JRK: variants seen among roughly 807,000 people sequenced by gnomAD.
JRK encodes the protein Jrk helix-turn-helix protein, also known as jerky protein homolog.
For missense variants in JRK, 720 were observed against 509.2 expected (o/e 1.41, Z -3.98); for synonymous variants, 303 against 218.1 (o/e 1.39, Z -3.43).
chr8:142,651,844 C>CTCAGGTAAGTAACTGATGGA, the JRK span, among the ~76,000 whole-genome samples: 1 of 152,242 alleles, frequency 6.6e-6, no homozygotes, highest in South Asian at 2.1e-4. Context: ...AGGGATGGAT[C>CTCAGGTAAGTAACTGATGGA]TCAGGCTGAA....
At chr8:142,654,665 C>T (rs1846717348), downstream of JRK, among the ~76,000 whole-genome samples, 1 of 151,812 alleles carries the variant, frequency 6.6e-6, no homozygotes, top group South Asian at 2.1e-4. Context: ...TGGAGTCCTC[C>T]CCACCCCAGA....
At position 142,666,189 on chromosome 8, in the gene JRK, T is replaced by C. The variant is rs1411524552; in HGVS notation, c.-131A>G. On this transcript the variant is annotated 5_prime_UTR_variant, in exon 2 of 2. Transcript: ENST00000612905. ...TCTCCACTCTGCCTGCCTGCTCTGC[T>C]GATCCTGAGCACAGGCCCCAGTCCC... The C allele has an allele frequency of 2.7e-6, 4 of 1,481,676 alleles. No homozygotes were observed. In the African/African-American group the frequency reaches 5.6e-5, roughly 21 times the overall value. 91.8% of individuals were successfully genotyped at this position (1,481,676 alleles called of 1,614,324 possible).
chr8:142,668,199 G>A (rs1847192956), intron 1 of JRK, among the ~76,000 whole-genome samples: 1 of 152,220 alleles, frequency 6.6e-6, no homozygotes, highest in Admixed American at 6.5e-5. Flanking sequence ...AGAGCGTGTG[G>A]CCAAAGGCCT....
At position 142,662,940 on chromosome 8, in the gene JRK, G is replaced by C. The variant is rs150610637; in HGVS notation, c.*1412C>G. On this transcript the variant is annotated 3_prime_UTR_variant, in exon 2 of 2. Transcript: ENST00000612905. ...TTTAGAAGGATGAGGAAGGAGGATC[G>C]CTTGAGGCCAAGAGTTCAAGACCAG... The C allele has an allele frequency of 1.5e-5, 13 of 849,162 alleles. No individual in the cohort carries two copies. The highest frequency in any genetic ancestry group is 1.8e-5 in the Non-Finnish European group (13 of 705,744). 52.6% of individuals were successfully genotyped at this position (849,162 alleles called of 1,614,324 possible). A position where few individuals can be genotyped will look rare whatever the true frequency, so the allele number is the denominator to read the frequency against.
downstream of JRK, among the ~76,000 whole-genome samples, chr8:142,653,537 CTATT>C (rs1302711336): frequency 6.6e-6 from 1 of 151,892 alleles, no homozygotes; most frequent in African/African-American, 2.4e-5. Flanking sequence ...CCACTCCTGG[CTATT>C]TTTTTTTTAA....
In JRK at chr8:142,664,895, C is replaced by T. The variant is rs782350354; in HGVS notation, c.1164G>A (p.Ser388=). The change falls in exon 2 of 2, where the codon TCG becomes TCA. Residue 388 remains serine, a synonymous_variant. Coordinates refer to ENST00000612905, the MANE Select transcript of JRK (RefSeq NM_003724.4). ...AGGAGGAGCCTTCGGCAAACGCAAC[C>T]GACGGCCACAGCTTCCTCCAGGCCC... ...FRRAWRKLWP[S]VAFAEGSSSE... is the part of the protein sequence containing the mutation. The T allele has an allele frequency of 1.0e-5, 12 of 1,197,630 alleles. No homozygotes were observed. Among genetic ancestry groups the T allele is most frequent in the South Asian group, 6.1e-5 (5 of 81,750 alleles). The allele number at this position is 1,197,630 out of a possible 1,614,324, so 74.2% of individuals were successfully genotyped here.
downstream of JRK, among the ~76,000 whole-genome samples, chr8:142,652,809 G>A (rs1554633310): frequency 6.6e-6 from 1 of 152,212 alleles, no homozygotes; most frequent in African/African-American, 2.4e-5. Flanking sequence ...CTGGAGAAGT[G>A]GAAGCTGCAG....
At position 142,666,015 on chromosome 8, in the gene JRK, C is replaced by A; in HGVS notation, c.44G>T (p.Arg15Leu). ...PAAGKSRGEK[R>L]KRVVLTLKEK... ...CTTCAGTGTCAGCACCACCCTCTTCCGCTTCTCCCCTCTGCTCTTCCCGGC... is the reference window on the plus strand; with the variant it reads ...CTTCAGTGTCAGCACCACCCTCTTCAGCTTCTCCCCTCTGCTCTTCCCGGC... Residue 15 changes from arginine to leucine, a missense_variant, in exon 2 of 2, where the codon CGG (arginine) becomes CTG (leucine). Coordinates refer to ENST00000612905, the MANE Select transcript of JRK (RefSeq NM_003724.4). The A allele has an allele frequency of 6.7e-7, 1 of 1,489,032 alleles. No homozygotes were observed. Among genetic ancestry groups the A allele is most frequent in the Non-Finnish European group, 9.4e-7 (1 of 1,066,746 alleles). The allele number at this position is 1,489,032 out of a possible 1,614,324, so 92.2% of individuals were successfully genotyped here. A position where few individuals can be genotyped will look rare whatever the true frequency, so the allele number is the denominator to read the frequency against.
In JRK at chr8:142,663,405, C is replaced by T. The variant is rs782753078; in HGVS notation, c.*947G>A. 1.0e-5 allele frequency: 10 copies of T among 985,342 alleles called. No homozygotes were observed. Among genetic ancestry groups the T allele is most frequent in the Middle Eastern group, 5.2e-4 (1 of 1,936 alleles). The allele number at this position is 985,342 out of a possible 1,614,324, so 61.0% of individuals were successfully genotyped here. A position where few individuals can be genotyped will look rare whatever the true frequency, so the allele number is the denominator to read the frequency against. ...GTGCTAACAGCTGGGGATAAGAGCA[C>T]ACATACTGCTAGAAATCTAAGCAGC... On this transcript the variant is annotated 3_prime_UTR_variant, in exon 2 of 2. Coordinates refer to ENST00000612905, the MANE Select transcript of JRK (RefSeq NM_003724.4).
At position 142,663,665 on chromosome 8, in the gene JRK, C is replaced by T. The variant is rs1846988160; in HGVS notation, c.*687G>A. ...CCAGAAAGGAACTCTACCAAGTCAA[C>T]TCTCCGTGGGGCCCCCCAACATCTT... On this transcript the variant is annotated 3_prime_UTR_variant, in exon 2 of 2. Transcript: ENST00000612905. 7 of 985,380 alleles carry T rather than the reference C, an allele frequency of 7.1e-6. No individual in the cohort carries two copies. Among genetic ancestry groups the T allele is most frequent in the Non-Finnish European group, 8.4e-6 (7 of 829,976 alleles). The allele number at this position is 985,380 out of a possible 1,614,324, so 61.0% of individuals were successfully genotyped here. A position where few individuals can be genotyped will look rare whatever the true frequency, so the allele number is the denominator to read the frequency against.
downstream of JRK, among the ~76,000 whole-genome samples, chr8:142,655,283 A>G (rs1334179399): frequency 1.3e-5 from 2 of 152,180 alleles, no homozygotes. Context: ...GGGCCCCTGA[A>G]GAGCTGACAC....
downstream of JRK, among the ~76,000 whole-genome samples, chr8:142,654,671 CCA>C (rs587695783): frequency 9.1e-4 from 139 of 152,116 alleles, 2 homozygotes; most frequent in Middle Eastern, 6.8e-3. Flanking sequence ...CCTCCCCACC[CCA>C]GAGTCAGGCA....
chr8:142,665,478 C>T lies in JRK; in HGVS notation c.581G>A (p.Arg194Gln), dbSNP rs587720978. The change falls in exon 2 of 2, where the codon CGG (arginine) becomes CAG (glutamine). Residue 194 changes from arginine to glutamine, a missense_variant. Coordinates refer to ENST00000612905, the MANE Select transcript of JRK (RefSeq NM_003724.4). The stretch of plus-strand genomic sequence containing the variant: ...TTCCGGAGTGGGATTTGGCAGGCAC[C>T]GCCAGAAAAGGCCGGTCTCATCAGC... ...YNADETGLFWRCLPNPTPEGG... is the reference protein window; with the variant it reads ...YNADETGLFWQCLPNPTPEGG... 186 of 717,974 alleles carry T rather than the reference C, an allele frequency of 2.6e-4. 2 individuals carry two copies. Among genetic ancestry groups the T allele is most frequent in the South Asian group, 2.6e-3 (174 of 67,606 alleles). 44.5% of individuals were successfully genotyped at this position (717,974 alleles called of 1,614,324 possible). A position where few individuals can be genotyped will look rare whatever the true frequency, so the allele number is the denominator to read the frequency against.
At chr8:142,646,444 TAAATC>T in the JRK span, among the ~76,000 whole-genome samples, 1 of 152,240 alleles carries the variant, frequency 6.6e-6, no homozygotes, top group African/African-American at 2.4e-5. Flanking sequence ...CTGTTTTTAT[TAAATC>T]AATATCAGTG....
At chr8:142,646,621 A>G in the JRK span, among the ~76,000 whole-genome samples, 1 of 151,102 alleles carries the variant, frequency 6.6e-6, no homozygotes, top group African/African-American at 2.5e-5. Context: ...TTCTCAAGAC[A>G]TTTCTAATAT....
Position 142,662,035 on chromosome 8 carries a change from G to A in JRK, c.*2317C>T, listed in dbSNP as rs587740759. ...AGGGGCTGCAGGAGGAGCAGGGCCC[G>A]AGTCCCCTGGGTGGCACAAGGGATT... is the stretch of plus-strand genomic sequence containing the variant. On this transcript the variant is annotated 3_prime_UTR_variant, in exon 2 of 2. Coordinates refer to ENST00000612905, the MANE Select transcript of JRK (RefSeq NM_003724.4). 4.4e-5 allele frequency: 43 copies of A among 985,474 alleles called. No homozygotes were observed. In the East Asian group the frequency reaches 2.3e-3, roughly 52 times the overall value. 61.0% of individuals were successfully genotyped at this position (985,474 alleles called of 1,614,324 possible).
downstream of JRK, among the ~76,000 whole-genome samples, chr8:142,652,610 C>T (rs1307318075): frequency 2.9e-4 from 44 of 152,154 alleles, 3 homozygotes; most frequent in Admixed American, 2.5e-3. Flanking sequence ...TCCATAGGCC[C>T]CTCCCCACCG....
the JRK span, among the ~76,000 whole-genome samples, chr8:142,647,214 G>T: frequency 1.3e-5 from 2 of 152,110 alleles, no homozygotes; most frequent in African/African-American, 4.8e-5. Flanking sequence ...TCCACAAAGG[G>T]AGAATTACTA....
downstream of JRK, among the ~76,000 whole-genome samples, chr8:142,653,516 G>C (rs1477799470): frequency 2.6e-5 from 4 of 151,700 alleles, no homozygotes; most frequent in South Asian, 6.3e-4. Context: ...TGAGACCACA[G>C]GGACGTGCCA....
Sources: allele counts gnomAD v4.1 joint callset (sites outside exome capture counted in the v4.1 genomes callset), GRCh38; gene constraint gnomAD v4.1.1; transcripts MANE v1.5; gene names NCBI Gene and HGNC (gene_info 2026-07-23, HGNC 2026-07-21).